Variants in ELMO1 observed in about 807,000 individuals in gnomAD.
ELMO1 encodes engulfment and cell motility protein 1.
ELMO1 carries 26 observed loss-of-function variants against 98.9 expected under a neutral mutation model. That is an observed-to-expected ratio of 0.26 (90% CI 0.19 to 0.36). The LOEUF (loss-of-function observed/expected upper bound fraction) is 0.36. Ranked by LOEUF, ELMO1 falls within the 10% of genes least tolerant of loss-of-function variation. The pLI is 1.00. For missense variants in ELMO1, 627 were observed against 935.2 expected (o/e 0.67, Z 4.30); for synonymous variants, 346 against 346.0 (o/e 1.00, Z 0.00).
At chr7:37,224,252 C>T (rs538411319) in intron 9 of ELMO1, among the ~76,000 whole-genome samples, 64 of 152,268 alleles carry the variant, frequency 4.2e-4, no homozygotes, top group Non-Finnish European at 7.5e-4. Flanking sequence ...TTGGTATTGT[C>T]AGAGACAACC....
chr7:37,140,560 G>T (rs530828085), intron 13 of ELMO1, among the ~76,000 whole-genome samples: 1 of 152,168 alleles, frequency 6.6e-6, no homozygotes, highest in Non-Finnish European at 1.5e-5. Flanking sequence ...AAAAGCTTCT[G>T]CACAGAAAAG....
intron 16 of ELMO1, among the ~76,000 whole-genome samples, chr7:36,975,926 T>C (rs1302587231): frequency 6.6e-6 from 1 of 151,822 alleles, no homozygotes; most frequent in Admixed American, 6.6e-5. Flanking sequence ...TGATTTGAGA[T>C]CCATATGACT....
intron 13 of ELMO1, among the ~76,000 whole-genome samples, chr7:37,189,880 T>TA (rs1791462527): frequency 6.6e-6 from 1 of 152,176 alleles, no homozygotes; most frequent in Middle Eastern, 3.2e-3. Flanking sequence ...CATTTTTATC[T>TA]AAAAAATGAC....
intron 16 of ELMO1, among the ~76,000 whole-genome samples, chr7:36,922,245 T>C (rs947672946): frequency 2.0e-5 from 3 of 150,156 alleles, no homozygotes; most frequent in Admixed American, 6.7e-5. Context: ...ATATTTTCTC[T>C]CAACCTCAAA....
chr7:36,856,861 T>A (rs900716513), intron 21 of ELMO1, among the ~76,000 whole-genome samples: 1 of 152,252 alleles, frequency 6.6e-6, no homozygotes, highest in Non-Finnish European at 1.5e-5. Flanking sequence ...CCTTCTACCA[T>A]GCACTCCAGA....
intron 16 of ELMO1, among the ~76,000 whole-genome samples, chr7:36,968,816 A>G (rs79851389): frequency 6.6e-6 from 1 of 151,966 alleles, no homozygotes; most frequent in East Asian, 1.9e-4. Flanking sequence ...ATTTTCTAAA[A>G]TGAGTTATAT....
chr7:37,172,434 T>C (rs139475698), intron 13 of ELMO1, among the ~76,000 whole-genome samples: 129 of 152,282 alleles, frequency 8.5e-4, no homozygotes, highest in African/African-American at 3.1e-3. Context: ...CATAAGAAAG[T>C]CTAAGTGAGA....
intron 7 of ELMO1, among the ~76,000 whole-genome samples, chr7:37,238,364 G>A (rs1249469456): frequency 3.9e-5 from 6 of 152,144 alleles, no homozygotes; most frequent in African/African-American, 1.4e-4. Flanking sequence ...TTTTCCAATG[G>A]TTGCTGTTAA....
At chr7:37,219,635 A>G (rs1421108759) in intron 10 of ELMO1, among the ~76,000 whole-genome samples, 4 of 152,202 alleles carry the variant, frequency 2.6e-5, no homozygotes, top group Non-Finnish European at 5.9e-5. Context: ...GGAGAATTCT[A>G]TGAGTGACAT....
At chr7:37,121,454 T>C (rs980651653) in intron 14 of ELMO1, among the ~76,000 whole-genome samples, 15 of 152,122 alleles carry the variant, frequency 9.9e-5, no homozygotes, top group South Asian at 4.1e-4. Flanking sequence ...CTGAAAACCA[T>C]GGCATGAGAA....
At chr7:37,404,897 C>G (rs1803688833) in intron 1 of ELMO1, among the ~76,000 whole-genome samples, 1 of 152,186 alleles carries the variant, frequency 6.6e-6, no homozygotes, top group African/African-American at 2.4e-5. Flanking sequence ...GGCTCACATC[C>G]TTTCCCCTCT....
chr7:36,904,821 T>C (rs969539028), intron 16 of ELMO1, among the ~76,000 whole-genome samples: 4 of 152,150 alleles, frequency 2.6e-5, no homozygotes, highest in Non-Finnish European at 4.4e-5. Flanking sequence ...AGTCTGCTCT[T>C]GAGATGAGAG....
At chr7:37,201,823 G>T (rs1347675498) in intron 13 of ELMO1, among the ~76,000 whole-genome samples, 2 of 152,216 alleles carry the variant, frequency 1.3e-5, no homozygotes, top group Non-Finnish European at 2.9e-5. Context: ...TTGGGGCCAG[G>T]GATGCCTCAG....
At chr7:37,341,481 G>A (rs1800717700) in intron 2 of ELMO1, among the ~76,000 whole-genome samples, 1 of 152,326 alleles carries the variant, frequency 6.6e-6, no homozygotes, top group South Asian at 2.1e-4. Context: ...TCCTTCTTGA[G>A]TCAGTAGAAA....
chr7:37,166,346 G>T (rs1420785940), intron 13 of ELMO1, among the ~76,000 whole-genome samples: 1 of 151,956 alleles, frequency 6.6e-6, no homozygotes, highest in Non-Finnish European at 1.5e-5. Context: ...CTTCAGTTCT[G>T]CTCTGATTTT....
chr7:37,123,111 G>A (rs2129289664), intron 14 of ELMO1, among the ~76,000 whole-genome samples: 1 of 152,088 alleles, frequency 6.6e-6, no homozygotes, highest in Admixed American at 6.5e-5. Context: ...CAACATACCA[G>A]AATCTCTGGG....
At chr7:36,889,339 A>G (rs935638612) in intron 17 of ELMO1, among the ~76,000 whole-genome samples, 5 of 152,190 alleles carry the variant, frequency 3.3e-5, no homozygotes, top group African/African-American at 1.2e-4. Context: ...TAAACTATTT[A>G]TTATCAGCAC....
chr7:37,039,733 G>C (rs145732740), intron 15 of ELMO1, among the ~76,000 whole-genome samples: 1 of 152,054 alleles, frequency 6.6e-6, no homozygotes. Context: ...CCTAGCTATC[G>C]ACAATAAATA....
intron 2 of ELMO1, among the ~76,000 whole-genome samples, chr7:37,334,051 C>G (rs1800266182): frequency 6.6e-6 from 1 of 152,186 alleles, no homozygotes; most frequent in South Asian, 2.1e-4. Flanking sequence ...GTAGGTCCAA[C>G]AGCATGAGCA....
Sources: allele counts gnomAD v4.1 joint callset (sites outside exome capture counted in the v4.1 genomes callset), GRCh38; gene constraint gnomAD v4.1.1; transcripts MANE v1.5; gene names NCBI Gene and HGNC (gene_info 2026-07-23, HGNC 2026-07-21).